ANO3: variants seen among roughly 807,000 people sequenced by gnomAD.
ANO3 encodes anoctamin-3.
Under a neutral mutation model 144.8 loss-of-function variants are expected in ANO3, and 99 were observed. The ratio of observed to expected loss-of-function variants is 0.68; its 90% CI spans 0.58 to 0.81. ANO3 has a LOEUF of 0.81. Among genes scored for constraint, ANO3 ranks in the 30% least tolerant of loss-of-function variants. The pLI is 0.00. For missense variants in ANO3, 905 were observed against 1,202.2 expected (o/e 0.75, Z 3.66); for synonymous variants, 414 against 392.6 (o/e 1.05, Z -0.64).
In ANO3 at chr11:26,492,064, A is replaced by C. The variant is rs938860542; in HGVS notation, c.433-16040A>C. Among the ~76,000 whole-genome samples, 3 of 152,336 alleles carry C rather than the reference A, an allele frequency of 2.0e-5. 1 individual carries two copies. Among genetic ancestry groups the C allele is most frequent in the East Asian group, 3.9e-4 (2 of 5,186 alleles). Reference sequence around the variant, plus strand: ...CCTGTTTTCTGAAGTCTCTCACTCCAATGTGGATAAGCAAAAATATATTGA... The same window carrying C: ...CCTGTTTTCTGAAGTCTCTCACTCCCATGTGGATAAGCAAAAATATATTGA... On this transcript the variant is annotated intron_variant, in intron 4 of 26. Transcript: ENST00000256737.
At chr11:26,283,614 C>T (rs1032769019) in intron 1 of ANO3, among the ~76,000 whole-genome samples, 1 of 151,950 alleles carries the variant, frequency 6.6e-6, no homozygotes, top group Non-Finnish European at 1.5e-5. Flanking sequence ...TGAGATTTCT[C>T]ACTTAGTAAG....
At chr11:26,236,082 A>T (rs1447651203) in intron 1 of ANO3, among the ~76,000 whole-genome samples, 1 of 151,846 alleles carries the variant, frequency 6.6e-6, no homozygotes, top group East Asian at 1.9e-4. Flanking sequence ...TGACTGTAGA[A>T]CTCCCATTCT....
At chr11:26,237,224 G>T (rs982713693) in intron 1 of ANO3, among the ~76,000 whole-genome samples, 1 of 152,082 alleles carries the variant, frequency 6.6e-6, no homozygotes, top group African/African-American at 2.4e-5. Flanking sequence ...ATTAAATAGA[G>T]TAACCTACTA....
chr11:26,206,204 A>G (rs1851792553), intron 1 of ANO3, among the ~76,000 whole-genome samples: 1 of 152,176 alleles, frequency 6.6e-6, no homozygotes, highest in Non-Finnish European at 1.5e-5. Context: ...GACATCATTT[A>G]AATTTTACAT....
chr11:26,463,053 A>G lies in ANO3; in HGVS notation c.337A>G (p.Thr113Ala). ...CLALGKDKDY[T>A]DESEHATYDR... is the part of the protein sequence containing the mutation. ...AGCCCTAGGAAAAGATAAGGATTAC[A>G]CGGATGAATCAGAACACGCTACTTA... Residue 113 changes from threonine to alanine, a missense_variant, in exon 4 of 27, where the codon ACG becomes GCG. By Grantham distance (58) the Thr-to-Ala change is moderately conservative. Around this residue, in one of 4 missense-constraint regions of ANO3, gnomAD observed 174 missense variants for 171.9 expected, o/e 1.01. Coordinates refer to ENST00000256737, the MANE Select transcript of ANO3 (RefSeq NM_031418.4). The G allele has an allele frequency of 6.3e-7, 1 of 1,588,150 alleles. No homozygotes were observed. The highest frequency in any genetic ancestry group is 8.6e-7 in the Non-Finnish European group (1 of 1,165,692).
At chr11:26,593,267 GT>G (rs1292216090) in intron 14 of ANO3, among the ~76,000 whole-genome samples, 4 of 152,192 alleles carry the variant, frequency 2.6e-5, no homozygotes, top group African/African-American at 4.8e-5. Flanking sequence ...CCTAATTCAA[GT>G]GTATAATGGC....
intron 24 of ANO3, among the ~76,000 whole-genome samples, chr11:26,653,460 C>A: frequency 6.6e-6 from 1 of 152,152 alleles, no homozygotes; most frequent in East Asian, 1.9e-4. Context: ...ACACTATCAT[C>A]TCTCACCTGG....
intron 14 of ANO3, among the ~76,000 whole-genome samples, chr11:26,583,040 G>A (rs1270221325): frequency 2.0e-5 from 3 of 152,188 alleles, no homozygotes; most frequent in Admixed American, 2.0e-4. Flanking sequence ...CAATTCAATT[G>A]AGAGTATTCA....
chr11:26,420,286 G>A (rs1012736461), intron 1 of ANO3, among the ~76,000 whole-genome samples: 3 of 151,976 alleles, frequency 2.0e-5, no homozygotes, highest in African/African-American at 4.8e-5. Flanking sequence ...GTCTCTGGTG[G>A]TAGAAGTGCA....
intron 14 of ANO3, among the ~76,000 whole-genome samples, chr11:26,564,761 A>T (rs1291406637): frequency 0.039 from 3,736 of 94,668 alleles, 268 homozygotes; most frequent in Non-Finnish European, 0.059. Context: ...ATATATATAT[A>T]TATATATATA....
intron 1 of ANO3, among the ~76,000 whole-genome samples, chr11:26,403,112 C>A (rs1039335858): frequency 7.9e-5 from 12 of 151,846 alleles, no homozygotes; most frequent in African/African-American, 2.9e-4. Context: ...ACTGCATTCT[C>A]TTGGTGTGGT....
intron 17 of ANO3, among the ~76,000 whole-genome samples, chr11:26,608,464 C>T (rs1851997939): frequency 6.6e-6 from 1 of 152,090 alleles, no homozygotes; most frequent in South Asian, 2.1e-4. Flanking sequence ...TTTTACTGTC[C>T]CTTGGTGGAG....
In ANO3 at chr11:26,599,503, TTAA is replaced by T. The variant is rs778456232; in HGVS notation, c.1672-45_1672-43del. On this transcript the variant is annotated intron_variant, in intron 16 of 26. Transcript: ENST00000256737. ...GATCTACGGTTTTGCTTTTGACTTG[TTAA>T]TGATGTAAAATATGGATGTTTTTTC... 2.3e-5 allele frequency: 37 copies of T among 1,580,608 alleles called. No homozygotes were observed. The South Asian group carries it at 4.2e-4, about 18-fold the overall frequency.
intron 4 of ANO3, among the ~76,000 whole-genome samples, chr11:26,496,974 G>GAATA (rs1860972414): frequency 7.3e-6 from 1 of 136,510 alleles, no homozygotes; most frequent in Non-Finnish European, 1.6e-5. Flanking sequence ...AATGTTGTGT[G>GAATA]TATATATATA....
intron 4 of ANO3, among the ~76,000 whole-genome samples, chr11:26,482,659 A>G (rs966002897): frequency 6.6e-6 from 1 of 152,162 alleles, no homozygotes; most frequent in African/African-American, 2.4e-5. Flanking sequence ...GTTTTGCTAC[A>G]TGGATATATT....
intron 14 of ANO3, among the ~76,000 whole-genome samples, chr11:26,586,845 C>T (rs1851301099): frequency 1.3e-5 from 2 of 151,848 alleles, no homozygotes; most frequent in South Asian, 4.2e-4. Flanking sequence ...GCTTCAGAGA[C>T]CACCTGATCC....
chr11:26,206,587 G>A (rs1851798157), intron 1 of ANO3, among the ~76,000 whole-genome samples: 1 of 152,116 alleles, frequency 6.6e-6, no homozygotes, highest in Admixed American at 6.6e-5. Context: ...TTTTAAGTCT[G>A]TGATACAAAG....
At chr11:26,617,570 A>G (rs1852296347) in intron 17 of ANO3, among the ~76,000 whole-genome samples, 1 of 152,216 alleles carries the variant, frequency 6.6e-6, no homozygotes, top group Non-Finnish European at 1.5e-5. Flanking sequence ...CCTGGGAGAA[A>G]CCAGAAGCTA....
chr11:26,383,614 T>G (rs1324487776), intron 1 of ANO3, among the ~76,000 whole-genome samples: 1 of 152,128 alleles, frequency 6.6e-6, no homozygotes, highest in Non-Finnish European at 1.5e-5. Flanking sequence ...TACAATAACC[T>G]CAGTTTACCT....
Sources: gnomAD v4.1 joint callset for allele counts (sites outside exome capture counted in the v4.1 genomes callset) on GRCh38, gnomAD v4.1.1 for gene constraint, gnomAD v4.1.1 regional missense constraint, MANE v1.5 for transcripts, NCBI Gene and HGNC (gene_info 2026-07-23, HGNC 2026-07-21) for gene names.